PTPRE: variants seen among roughly 807,000 people sequenced by gnomAD.
PTPRE encodes the protein protein tyrosine phosphatase receptor type E, also known as receptor-type tyrosine-protein phosphatase epsilon.
A neutral mutation model predicts 102.0 loss-of-function variants in PTPRE; 51 were observed. That is an observed-to-expected ratio of 0.50 (90% confidence interval 0.40 to 0.63). PTPRE has a LOEUF of 0.63. Among genes scored for constraint, PTPRE ranks in the 30% least tolerant of loss-of-function variants. The probability of loss-of-function intolerance (pLI) is 0.00; values close to 1 mark genes in which losing one functional copy is unlikely to be tolerated. For missense variants in PTPRE, 752 were observed against 915.1 expected, an observed-to-expected ratio of 0.82 and a Z score of 2.30; for synonymous variants, 345 against 348.2, an observed-to-expected ratio of 0.99 and a Z score of 0.10.
intron 2 of PTPRE, among the ~76,000 whole-genome samples, chr10:128,009,674 C>T (rs542073270): frequency 1.3e-4 from 20 of 152,300 alleles, no homozygotes; most frequent in African/African-American, 3.8e-4. Context: ...CTTTGCAGTG[C>T]GTGTGCTGCA....
At chr10:128,016,220 T>G (rs1181888007) in intron 2 of PTPRE, among the ~76,000 whole-genome samples, 1 of 152,218 alleles carries the variant, frequency 6.6e-6, no homozygotes, top group Non-Finnish European at 1.5e-5. Flanking sequence ...TGCACTTAAC[T>G]CTATGTAATT....
chr10:127,982,812 G>A (rs1443358372), intron 2 of PTPRE, among the ~76,000 whole-genome samples: 1 of 152,042 alleles, frequency 6.6e-6, no homozygotes, highest in East Asian at 1.9e-4. Context: ...ATGCCTTTTG[G>A]GTCCAGGCAA....
chr10:128,034,002 T>C (rs542174672), intron 2 of PTPRE, among the ~76,000 whole-genome samples: 1 of 152,316 alleles, frequency 6.6e-6, no homozygotes, highest in Non-Finnish European at 1.5e-5. Flanking sequence ...ATAGAAGCTG[T>C]TGATGTCAAA....
intron 2 of PTPRE, among the ~76,000 whole-genome samples, chr10:128,001,147 T>C (rs1199314137): frequency 6.6e-6 from 1 of 152,196 alleles, no homozygotes; most frequent in Non-Finnish European, 1.5e-5. Context: ...TCCATTACCT[T>C]CTAATCAACT....
At chr10:128,030,929 G>A (rs921630487) in intron 2 of PTPRE, among the ~76,000 whole-genome samples, 2 of 152,174 alleles carry the variant, frequency 1.3e-5, no homozygotes, top group East Asian at 1.9e-4. Flanking sequence ...CTACCACATC[G>A]TGTGCTTCCC....
intron 8 of PTPRE, 150 bp from the exon 9 acceptor site, chr10:128,061,529 G>T (rs1721044315): frequency 7.5e-6 from 7 of 930,514 alleles, no homozygotes; most frequent in Non-Finnish European, 1.1e-5. Flanking sequence ...TTCTGGAATT[G>T]CTGGTGAGTT....
intron 10 of PTPRE, among the ~76,000 whole-genome samples, chr10:128,063,478 A>G (rs552208584): frequency 6.6e-6 from 1 of 152,314 alleles, no homozygotes; most frequent in African/African-American, 2.4e-5. Context: ...GATGAGAGAC[A>G]TGAATCTTAG....
intron 1 of PTPRE, chr10:127,964,996 A>G (rs1057287653): frequency 4.4e-6 from 2 of 456,684 alleles, no homozygotes; most frequent in Non-Finnish European, 8.8e-6. Context: ...TCCCACTGAC[A>G]TGGTATGAAG....
chr10:127,963,188 G>T (rs1288214199), intron 1 of PTPRE, among the ~76,000 whole-genome samples: 2 of 152,068 alleles, frequency 1.3e-5, no homozygotes, highest in Non-Finnish European at 2.9e-5. Flanking sequence ...GGGCTGGGGT[G>T]AGTGATCACA....
chr10:128,014,925 ACT>A (rs1383174176), intron 2 of PTPRE, among the ~76,000 whole-genome samples: 3 of 152,002 alleles, frequency 2.0e-5, no homozygotes, highest in Non-Finnish European at 2.9e-5. Flanking sequence ...CCATGCTGAC[ACT>A]CTGCAAGCTC....
Position 128,068,259 on chromosome 10 carries a change from A to G in PTPRE, c.980A>G (p.His327Arg), listed in dbSNP as rs1460132110. The change falls in exon 12 of 21, where the codon CAC (histidine) becomes CGC (arginine). Residue 327 changes from histidine to arginine, a missense_variant. This residue lies in a region of PTPRE where 636 missense variants were observed against 824.4 expected (regional missense o/e 0.77). Coordinates refer to ENST00000254667, the MANE Select transcript of PTPRE (RefSeq NM_006504.6). ...LKKVKTLNPVHAGPIVVHCSA... is the reference protein window; with the variant it reads ...LKKVKTLNPVRAGPIVVHCSA... ...AAAGTAAAGACGCTCAACCCCGTGC[A>G]CGCTGGGCCCATCGTGGTCCACTGT... is the stretch of plus-strand genomic sequence containing the variant. The G allele has an allele frequency of 6.2e-7, 1 of 1,613,920 alleles. No homozygotes were observed. Among genetic ancestry groups the G allele is most frequent in the African/African-American group, 1.3e-5 (1 of 74,930 alleles).
intron 1 of PTPRE, among the ~76,000 whole-genome samples, chr10:127,932,830 G>T (rs1381314930): frequency 1.3e-5 from 2 of 152,188 alleles, no homozygotes; most frequent in African/African-American, 4.8e-5. Flanking sequence ...GGCTCAGGAT[G>T]AATTCACTCC....
At chr10:127,946,236 A>G (rs1163970715) in intron 1 of PTPRE, among the ~76,000 whole-genome samples, 7 of 152,198 alleles carry the variant, frequency 4.6e-5, no homozygotes, top group African/African-American at 9.7e-5. Flanking sequence ...TACAAAGAGA[A>G]AACACACATC....
At chr10:128,065,962 G>A (rs1281701241) in intron 10 of PTPRE, 113 bp from the exon 11 acceptor site, 2 of 1,463,296 alleles carry the variant, frequency 1.4e-6, no homozygotes, top group African/African-American at 2.8e-5. Context: ...CTCAGCTGTG[G>A]GAGCTGTGTG....
At chr10:128,082,195 C>CTTTTTTTTTTTTTTTTTTT (rs35709074) in intron 20 of PTPRE, among the ~76,000 whole-genome samples, 3 of 89,034 alleles carry the variant, frequency 3.4e-5, no homozygotes, top group Non-Finnish European at 4.3e-5. Context: ...TTTTCTCTTT[C>CTTTTTTTTTTTTTTTTTTT]TTTTTTTTTT....
At chr10:127,990,238 C>T (rs961441373) in intron 2 of PTPRE, among the ~76,000 whole-genome samples, 1 of 151,540 alleles carries the variant, frequency 6.6e-6, no homozygotes, top group African/African-American at 2.4e-5. Flanking sequence ...ATGGTAAAAC[C>T]TCATCTCCAC....
chr10:128,081,198 C>T lies in PTPRE; in HGVS notation c.2028+1503C>T, dbSNP rs1489619960. The stretch of plus-strand genomic sequence containing the variant: ...ATATTATTGAGTAAAGAGATGATTG[C>T]TGACCTGCAGGTTGATTTAGCCCTG... On this transcript the variant is annotated intron_variant, in intron 20 of 20. Coordinates refer to ENST00000254667, the MANE Select transcript of PTPRE (RefSeq NM_006504.6). Among the ~76,000 whole-genome samples the T allele has an allele frequency of 2.6e-5, 4 of 152,092 alleles. No individual in the cohort carries two copies. The East Asian group carries it at 5.8e-4, about 22-fold the overall frequency.
intron 1 of PTPRE, among the ~76,000 whole-genome samples, chr10:127,916,698 G>A (rs1247048801): frequency 6.6e-6 from 1 of 152,156 alleles, no homozygotes; most frequent in African/African-American, 2.4e-5. Flanking sequence ...CAGGGACAGA[G>A]GGGATGGGAC....
chr10:127,995,633 A>AC (rs1254413232), intron 2 of PTPRE, among the ~76,000 whole-genome samples: 1 of 152,124 alleles, frequency 6.6e-6, no homozygotes, highest in Admixed American at 6.5e-5. Flanking sequence ...CGATATGAAA[A>AC]CCTGTTTTCC....
Sources: gnomAD v4.1 joint callset for allele counts (sites outside exome capture counted in the v4.1 genomes callset) on GRCh38, gnomAD v4.1.1 for gene constraint, gnomAD v4.1.1 regional missense constraint, MANE v1.5 for transcripts, NCBI Gene and HGNC (gene_info 2026-07-23, HGNC 2026-07-21) for gene names.